JAK1: variants seen among roughly 807,000 people sequenced by gnomAD.
The protein encoded by JAK1 is tyrosine-protein kinase JAK1.
Under a neutral mutation model 136.6 loss-of-function variants are expected in JAK1, and 16 were observed. The observed-to-expected ratio is 0.12, with a 90% CI of 0.08 to 0.18. The LOEUF is 0.18. Among genes scored for constraint, JAK1 ranks in the 10% least tolerant of loss-of-function variants. The pLI is 1.00. For synonymous variants in JAK1, 492 were observed against 519.5 expected, an observed-to-expected ratio of 0.95 and a Z score of 0.72; for missense variants, 859 against 1,450.1, an observed-to-expected ratio of 0.59 and a Z score of 6.62.
rs35945175 is a variant in JAK1, at chr1:64,907,004, C to CAAA, written c.-77-20666_-77-20664dup. On this transcript the variant is annotated intron_variant, in intron 1 of 24. Transcript: ENST00000342505. ...CTTCTCTTAACAGTGAGGAGAAGCACAAAAAAAAAAAAAAGAATATTTATG... is the reference window on the plus strand; with the variant it reads ...CTTCTCTTAACAGTGAGGAGAAGCACAAAAAAAAAAAAAAAAAGAATATTTATG... Among the ~76,000 whole-genome samples, 13 of 140,428 alleles carry CAAA rather than the reference C, an allele frequency of 9.3e-5. 3 individuals are homozygous for CAAA. Among genetic ancestry groups the CAAA allele is most frequent in the East Asian group, 2.0e-4 (1 of 4,928 alleles). The allele number at this position is 140,428 out of a possible 152,430, so 92.1% of individuals were successfully genotyped here.
chr1:64,959,329 T>G (rs1646243711), intron 1 of JAK1, among the ~76,000 whole-genome samples: 1 of 152,260 alleles, frequency 6.6e-6, no homozygotes, highest in Non-Finnish European at 1.5e-5. Context: ...GGGTAAATCT[T>G]GCTTTAGGAA....
chr1:64,890,007 A>G (rs980440267), intron 1 of JAK1, among the ~76,000 whole-genome samples: 3 of 152,230 alleles, frequency 2.0e-5, no homozygotes, highest in African/African-American at 4.8e-5. Context: ...CCTTAAAGGA[A>G]TCAAACCTTT....
chr1:64,913,848 T>C (rs1401585539), intron 1 of JAK1, among the ~76,000 whole-genome samples: 7 of 152,124 alleles, frequency 4.6e-5, no homozygotes, highest in Admixed American at 1.3e-4. Flanking sequence ...GAAAAATAGA[T>C]ATTAAATAAC....
chr1:65,026,935 G>A (rs1218450636), intron 2 of JAK1, among the ~76,000 whole-genome samples: 2 of 152,008 alleles, frequency 1.3e-5, no homozygotes, highest in Admixed American at 6.6e-5. Context: ...CTGGGCAACA[G>A]AGTTAGGCAG....
chr1:64,948,294 T>A (rs1406137018), intron 1 of JAK1, among the ~76,000 whole-genome samples: 1 of 152,234 alleles, frequency 6.6e-6, no homozygotes, highest in Non-Finnish European at 1.5e-5. Flanking sequence ...CTGAGCATAG[T>A]GCTAGGCTCT....
At chr1:64,847,010 G>A in intron 13 of JAK1, 1 of 522,090 alleles carries the variant, frequency 1.9e-6, no homozygotes, top group Non-Finnish European at 3.4e-6. Flanking sequence ...TTTTCCCACT[G>A]GATACTCATG....
chr1:64,912,622 T>C (rs1645303086), intron 1 of JAK1, among the ~76,000 whole-genome samples: 1 of 152,330 alleles, frequency 6.6e-6, no homozygotes. Context: ...ATGATCTCAA[T>C]TGCCACATTA....
rs150845518 is a variant in JAK1, at chr1:65,031,336, T to C, written c.-78+13144A>G. 2.6e-5 allele frequency among the ~76,000 whole-genome samples: 4 copies of C among 152,288 alleles called. No individual in the cohort carries two copies. In the East Asian group the frequency reaches 7.7e-4, roughly 29 times the overall value. On this transcript the variant is annotated intron_variant, in intron 2 of 25. Transcript: ENST00000671954. ...TTCTGTGGTATTTCTGCTCAAAATA[T>C]ACAACCTGAATGTGATCATTAGGCA...
At chr1:64,892,291 G>A (rs1312112091) in intron 1 of JAK1, among the ~76,000 whole-genome samples, 2 of 151,854 alleles carry the variant, frequency 1.3e-5, no homozygotes, top group Non-Finnish European at 1.5e-5. Context: ...TTTTGGGGGG[G>A]ATGGAGGGGG....
At chr1:64,846,388 C>T (rs567363199) in intron 14 of JAK1, among the ~76,000 whole-genome samples, 14 of 150,464 alleles carry the variant, frequency 9.3e-5, no homozygotes, top group African/African-American at 3.2e-4. Flanking sequence ...TCACCTCAGC[C>T]TCCCAGGTCT....
intron 1 of JAK1, among the ~76,000 whole-genome samples, chr1:65,057,345 A>G (rs1357010144): frequency 6.6e-6 from 1 of 152,172 alleles, no homozygotes; most frequent in Non-Finnish European, 1.5e-5. Context: ...TCCAATAACC[A>G]CCTTTCACCC....
intron 1 of JAK1, among the ~76,000 whole-genome samples, chr1:64,903,189 G>A (rs1417479108): frequency 6.6e-6 from 1 of 152,124 alleles, no homozygotes; most frequent in Non-Finnish European, 1.5e-5. Context: ...ACCACGCCTG[G>A]TTAATTTTTG....
chr1:65,041,252 G>A (rs1241455423), intron 2 of JAK1, among the ~76,000 whole-genome samples: 1 of 152,182 alleles, frequency 6.6e-6, no homozygotes, highest in Non-Finnish European at 1.5e-5. Context: ...AGTGTTGAAG[G>A]GGGAAGGGCT....
chr1:64,910,561 T>C (rs951982427), intron 1 of JAK1, among the ~76,000 whole-genome samples: 3 of 152,076 alleles, frequency 2.0e-5, no homozygotes, highest in African/African-American at 4.8e-5. Context: ...TGGCCAGGTG[T>C]GGTGGCTCAC....
Position 65,030,615 on chromosome 1 carries a change from C to T in JAK1, c.-78+13865G>A, listed in dbSNP as rs373081725. On this transcript the variant is annotated intron_variant, in intron 2 of 25. Transcript: ENST00000671954. ...TGGTGCGATCTCTGCTCACTGCAAC[C>T]TCCACCTCCCGGGTTCAAGTGATTC... Among the ~76,000 whole-genome samples the T allele has an allele frequency of 1.5e-4, 23 of 152,112 alleles. 1 individual carries two copies. Among genetic ancestry groups the T allele is most frequent in the Admixed American group, 3.3e-4 (5 of 15,276 alleles).
chr1:64,928,778 C>CAAAAAAAAAAAAA (rs1183218798), intron 1 of JAK1, among the ~76,000 whole-genome samples: 69 of 61,122 alleles, frequency 1.1e-3, no homozygotes, highest in African/African-American at 1.4e-3. Flanking sequence ...TAAAACTCTG[C>CAAAAAAAAAAAAA]AAAAAAAAAA....
chr1:64,870,324 T>C (rs1225384707), intron 5 of JAK1, among the ~76,000 whole-genome samples: 1 of 152,144 alleles, frequency 6.6e-6, no homozygotes, highest in African/African-American at 2.4e-5. Context: ...TGGTAATTAT[T>C]GAGAACTAAT....
chr1:65,029,079 A>G (rs1439427483), intron 2 of JAK1, among the ~76,000 whole-genome samples: 1 of 152,108 alleles, frequency 6.6e-6, no homozygotes, highest in Non-Finnish European at 1.5e-5. Flanking sequence ...TCTTCTTACA[A>G]TAGTGGGTAT....
intron 1 of JAK1, among the ~76,000 whole-genome samples, chr1:64,900,313 C>G (rs1232588447): frequency 2.0e-5 from 3 of 152,162 alleles, no homozygotes; most frequent in Non-Finnish European, 4.4e-5. Flanking sequence ...CCAAAGGATT[C>G]ATAAGTCAGA....
Sources: allele counts gnomAD v4.1 joint callset (sites outside exome capture counted in the v4.1 genomes callset), GRCh38; gene constraint gnomAD v4.1.1; transcripts MANE v1.5; gene names NCBI Gene and HGNC (gene_info 2026-07-23, HGNC 2026-07-21).